The following OR56A3 variants were observed in gnomAD, a reference collection of about 807,000 sequenced individuals.
OR56A3 encodes olfactory receptor family 56 subfamily A member 3.
OR56A3 carries 23 observed loss-of-function variants against 17.5 expected under a neutral mutation model. That is an observed-to-expected ratio of 1.32 (90% CI 0.95 to 1.87). The LOEUF (loss-of-function observed/expected upper bound fraction) is 1.87. Ranked by LOEUF, OR56A3 falls within the 40% of genes most tolerant of loss-of-function variation. The pLI is 0.00. For synonymous variants in OR56A3, 175 were observed against 150.6 expected (o/e 1.16, Z -1.19); for missense variants, 366 against 380.1 (o/e 0.96, Z 0.31).
the OR56A3 span, chr11:5,986,102 AG>A: frequency 5.6e-6 from 9 of 1,613,970 alleles, no homozygotes; most frequent in Non-Finnish European, 7.6e-6. Context: ...TGAGTGAGGA[AG>A]GAGAAAATTC....
the OR56A3 span, chr11:5,968,272 C>T: frequency 7.4e-6 from 12 of 1,612,658 alleles, no homozygotes; most frequent in Admixed American, 3.3e-5. Flanking sequence ...AGGCAGAGTA[C>T]GATGTCCAGC....
chr11:5,945,801 A>G (rs1022348622), intron 2 of OR56A3, among the ~76,000 whole-genome samples: 1 of 152,180 alleles, frequency 6.6e-6, no homozygotes, highest in Non-Finnish European at 1.5e-5. Flanking sequence ...GTGCTAAAAC[A>G]GAGCACAGTT....
chr11:6,021,994 T>G, the OR56A3 span: 2 of 152,138 alleles, frequency 1.3e-5, no homozygotes, highest in Admixed American at 1.3e-4. Context: ...CACAATGGGA[T>G]CTGATGGAGA....
chr11:5,968,846 A>T, the OR56A3 span, among the ~76,000 whole-genome samples: 1 of 152,204 alleles, frequency 6.6e-6, no homozygotes, highest in Non-Finnish European at 1.5e-5. Context: ...TCCACAGGCT[A>T]GAAACACTCA....
chr11:5,949,845 T>G lies in OR56A3; in HGVS notation c.*1551T>G, dbSNP rs948898299. 3.9e-5 allele frequency: 6 copies of G among 152,150 alleles called. No individual in the cohort carries two copies. Among genetic ancestry groups the G allele is most frequent in the African/African-American group, 1.4e-4 (6 of 41,442 alleles). 9.4% of individuals were successfully genotyped at this position (152,150 alleles called of 1,614,324 possible). A position where few individuals can be genotyped will look rare whatever the true frequency, so the allele number is the denominator to read the frequency against. ...ACCTACTGATTGAAAAATAAGCATG[T>G]ACCACATATAAGAAGCAATAGTTAA... On this transcript the variant is annotated 3_prime_UTR_variant, in exon 3 of 3. Transcript: ENST00000641160.
At chr11:5,995,046 G>A in the OR56A3 span, 92 of 633,124 alleles carry the variant, frequency 1.5e-4, no homozygotes, top group Admixed American at 1.8e-3. Context: ...AGGCCCCGGC[G>A]CCTGCATAGA....
the OR56A3 span, chr11:5,968,166 A>G: frequency 3.1e-6 from 5 of 1,614,112 alleles, no homozygotes; most frequent in African/African-American, 4.0e-5. Flanking sequence ...CATAGTCAGA[A>G]AACTGTTCAT....
the OR56A3 span, among the ~76,000 whole-genome samples, chr11:5,991,127 T>G: frequency 6.6e-6 from 1 of 152,236 alleles, no homozygotes; most frequent in Non-Finnish European, 1.5e-5. Flanking sequence ...TCAAGGTCTA[T>G]GCAGCTAAAA....
At chr11:5,957,105 G>A in the OR56A3 span, among the ~76,000 whole-genome samples, 4 of 152,230 alleles carry the variant, frequency 2.6e-5, no homozygotes, top group East Asian at 5.8e-4. Context: ...AGCTGAGATC[G>A]CACAATTCCA....
At chr11:5,960,410 C>T in the OR56A3 span, among the ~76,000 whole-genome samples, 7 of 152,216 alleles carry the variant, frequency 4.6e-5, no homozygotes, top group Non-Finnish European at 8.8e-5. Flanking sequence ...CAGGCGCGCA[C>T]CGCCACACCT....
Position 5,948,304 on chromosome 11 carries a change from C to T in OR56A3, c.*10C>T, listed in dbSNP as rs776940481. 5 of 1,549,928 alleles carry T rather than the reference C, an allele frequency of 3.2e-6. No homozygotes were observed. The highest frequency in any genetic ancestry group is 2.2e-5 in the South Asian group (2 of 89,264). The stretch of plus-strand genomic sequence containing the variant: ...GAAGAAAGGGTGCTAACAAGGACCA[C>T]TGGATCTCTGAATATCTAAAATAAG... On this transcript the variant is annotated 3_prime_UTR_variant, in exon 3 of 3. Transcript: ENST00000641160.
chr11:5,970,652 C>T, the OR56A3 span, among the ~76,000 whole-genome samples: 1 of 146,084 alleles, frequency 6.8e-6, no homozygotes, highest in African/African-American at 2.5e-5. Context: ...AACTGAGGGG[C>T]AAAAGACTAG....
At chr11:6,018,158 G>A in the OR56A3 span, among the ~76,000 whole-genome samples, 6 of 151,892 alleles carry the variant, frequency 4.0e-5, no homozygotes, top group Non-Finnish European at 7.4e-5. Context: ...AGACGCCAAC[G>A]CCCAACTCTC....
the OR56A3 span, among the ~76,000 whole-genome samples, chr11:5,971,164 G>A: frequency 6.6e-6 from 1 of 152,106 alleles, no homozygotes; most frequent in African/African-American, 2.4e-5. Context: ...ACACTTGGTG[G>A]GAGGGATACT....
At chr11:6,004,612 A>G in the OR56A3 span, among the ~76,000 whole-genome samples, 1 of 152,240 alleles carries the variant, frequency 6.6e-6, no homozygotes, top group African/African-American at 2.4e-5. Flanking sequence ...TACCCATTGT[A>G]GGGCCTTAAA....
the OR56A3 span, among the ~76,000 whole-genome samples, chr11:5,965,141 C>A: frequency 1.3e-5 from 2 of 152,170 alleles, no homozygotes; most frequent in African/African-American, 4.8e-5. Context: ...TTTTGCTCCA[C>A]TTTCCTCCCA....
the OR56A3 span, among the ~76,000 whole-genome samples, chr11:6,010,118 T>A: frequency 6.6e-6 from 1 of 152,204 alleles, no homozygotes; most frequent in Non-Finnish European, 1.5e-5. Context: ...TTTCTCATGC[T>A]TTTTTACTCC....
chr11:5,968,224 C>A, the OR56A3 span: 14 of 1,614,152 alleles, frequency 8.7e-6, no homozygotes, highest in Non-Finnish European at 1.2e-5. Context: ...GATCTGAGGT[C>A]AAACCAGAAG....
chr11:5,942,673 G>A (rs1437609788), intron 1 of OR56A3, among the ~76,000 whole-genome samples: 1 of 152,248 alleles, frequency 6.6e-6, no homozygotes, highest in African/African-American at 2.4e-5. Flanking sequence ...TTCAGGACCA[G>A]TGGAAGTCAG....
Sources: gnomAD v4.1 joint callset for allele counts (sites outside exome capture counted in the v4.1 genomes callset) on GRCh38, gnomAD v4.1.1 for gene constraint, MANE v1.5 for transcripts, NCBI Gene and HGNC (gene_info 2026-07-23, HGNC 2026-07-21) for gene names.